Variants in NRXN1 observed in about 807,000 individuals in gnomAD.
The protein encoded by NRXN1 is neurexin-1.
Under a neutral mutation model 150.9 loss-of-function variants are expected in NRXN1, and 39 were observed. The ratio of observed to expected loss-of-function variants is 0.26; its 90% CI spans 0.20 to 0.34. The LOEUF is 0.34. Ranked by LOEUF, NRXN1 falls within the 10% of genes least tolerant of loss-of-function variation. NRXN1 has a pLI of 1.00. For synonymous variants in NRXN1, 924 were observed against 757.0 expected (o/e 1.22, Z -3.62); for missense variants, 1,815 against 1,949.9 (o/e 0.93, Z 1.30).
intron 12 of NRXN1, among the ~76,000 whole-genome samples, chr2:50,516,872 T>C (rs2092646841): frequency 6.6e-6 from 1 of 152,160 alleles, no homozygotes; most frequent in African/African-American, 2.4e-5. Flanking sequence ...TGATATAAAG[T>C]CAGACATTCA....
chr2:50,398,184 C>T (rs1274528162), intron 17 of NRXN1, among the ~76,000 whole-genome samples: 1 of 152,112 alleles, frequency 6.6e-6, no homozygotes, highest in Non-Finnish European at 1.5e-5. Context: ...ACTCCCAGCA[C>T]TTGTAGAACT....
rs1035046859 is a variant in NRXN1, at chr2:49,919,375, A to C, written c.*2569T>G. 1 of 152,148 alleles carries C rather than the reference A, an allele frequency of 6.6e-6. No homozygotes were observed. The highest frequency in any genetic ancestry group is 1.5e-5 in the Non-Finnish European group (1 of 67,970). The allele number at this position is 152,148 out of a possible 1,614,324, so 9.4% of individuals were successfully genotyped here. On this transcript the variant is annotated 3_prime_UTR_variant, in exon 23 of 23. Coordinates refer to ENST00000401669, the MANE Select transcript of NRXN1 (RefSeq NM_001330078.2). ...AATAATTTTGCTGATAATAAACTAT[A>C]TCAATCATTGCATGTAACTTTAAAA...
intron 17 of NRXN1, among the ~76,000 whole-genome samples, chr2:50,377,578 T>A (rs1231079512): frequency 1.3e-5 from 2 of 152,138 alleles, no homozygotes; most frequent in African/African-American, 4.8e-5. Context: ...GACTAGTTGA[T>A]CTCCAAAGTG....
intron 8 of NRXN1, among the ~76,000 whole-genome samples, chr2:50,561,518 G>C (rs188207555): frequency 6.6e-6 from 1 of 152,230 alleles, no homozygotes; most frequent in East Asian, 1.9e-4. Context: ...TCAAAATAAT[G>C]TATTGGGGAC....
chr2:50,160,498 G>A lies in NRXN1; in HGVS notation c.3547-69004C>T, dbSNP rs373387105. 4.6e-5 allele frequency among the ~76,000 whole-genome samples: 7 copies of A among 151,856 alleles called. No homozygotes were observed. The East Asian group carries it at 1.2e-3, about 25-fold the overall frequency. ...GGAAGTTGCAGTGAGCTGAGATTGC[G>A]CCATTGCACTCCAGTCTGGGCAACA... On this transcript the variant is annotated intron_variant, in intron 18 of 22. Transcript: ENST00000401669.
intron 17 of NRXN1, among the ~76,000 whole-genome samples, chr2:50,309,872 T>C (rs1291105884): frequency 6.6e-6 from 1 of 152,188 alleles, no homozygotes; most frequent in African/African-American, 2.4e-5. Context: ...TCACAATCTT[T>C]CTTCTTCCAA....
In NRXN1 at chr2:51,032,010, A is replaced by G. The variant is rs2287235; in HGVS notation, c.-951T>C. On this transcript the variant is annotated 5_prime_UTR_variant, in exon 1 of 23. Transcript: ENST00000401669. ...CCGGTTATTCCCCTCAGCTCGAGCC[A>G]GAGCCTGAAGCATGCATCGGTCAAA... 0.18 allele frequency: 27,234 copies of G among 152,042 alleles called. 2,671 individuals carry two copies. The highest frequency in any genetic ancestry group is 0.28 in the South Asian group (1,328 of 4,798). The allele number at this position is 152,042 out of a possible 1,614,324, so 9.4% of individuals were successfully genotyped here.
chr2:50,580,893 A>T (rs1203913306), intron 8 of NRXN1, among the ~76,000 whole-genome samples: 1 of 152,182 alleles, frequency 6.6e-6, no homozygotes, highest in East Asian at 1.9e-4. Context: ...AATTAAATAT[A>T]AGTTGCTATA....
chr2:50,914,041 G>C (rs1385715903), intron 5 of NRXN1, among the ~76,000 whole-genome samples: 1 of 151,624 alleles, frequency 6.6e-6, no homozygotes, highest in Non-Finnish European at 1.5e-5. Context: ...CAAGTAATAG[G>C]ACATACATTT....
At chr2:50,617,689 T>C (rs1679281259) in intron 8 of NRXN1, among the ~76,000 whole-genome samples, 1 of 152,162 alleles carries the variant, frequency 6.6e-6, no homozygotes, top group African/African-American at 2.4e-5. Context: ...CCTCCTTTTA[T>C]GAGTTTAGCC....
At chr2:50,488,986 C>T (rs116587707) in intron 15 of NRXN1, among the ~76,000 whole-genome samples, 1 of 152,150 alleles carries the variant, frequency 6.6e-6, no homozygotes, top group Non-Finnish European at 1.5e-5. Flanking sequence ...CTCTGAGCAC[C>T]TGCAGGTACT....
chr2:50,574,860 G>A (rs982908109), intron 8 of NRXN1, among the ~76,000 whole-genome samples: 2 of 152,130 alleles, frequency 1.3e-5, no homozygotes, highest in Admixed American at 6.6e-5. Context: ...TTGAATCAGG[G>A]GATTCTTGTG....
At chr2:50,906,478 C>T (rs930762440) in intron 5 of NRXN1, among the ~76,000 whole-genome samples, 10 of 152,130 alleles carry the variant, frequency 6.6e-5, no homozygotes, top group Non-Finnish European at 1.5e-4. Flanking sequence ...TTTTTCACCT[C>T]TGATGTTAGG....
chr2:50,996,736 T>C (rs189345517), intron 2 of NRXN1, among the ~76,000 whole-genome samples: 19 of 152,032 alleles, frequency 1.2e-4, no homozygotes, highest in Admixed American at 1.1e-3. Context: ...AACTAGAAAA[T>C]TGGCTGAGCT....
rs182786229 is a variant in NRXN1 at position 50,084,263 on chromosome 2, G to A, written c.3718+7060C>T. On this transcript the variant is annotated intron_variant, in intron 19 of 22. Coordinates refer to ENST00000401669, the MANE Select transcript of NRXN1 (RefSeq NM_001330078.2). Reference sequence around the variant, plus strand: ...CGCGGTGGATGAGACTGGGTGCCGCGGAGCAGGGGGCCGCACAGGAGCCCG... The same window carrying A: ...CGCGGTGGATGAGACTGGGTGCCGCAGAGCAGGGGGCCGCACAGGAGCCCG... Among the ~76,000 whole-genome samples the A allele has an allele frequency of 5.2e-3, 789 of 152,326 alleles. 8 individuals are homozygous for A. The highest frequency in any genetic ancestry group is 9.5e-3 in the Non-Finnish European group (648 of 68,040).
At chr2:50,291,135 G>GAAAA (rs5831107) in intron 17 of NRXN1, among the ~76,000 whole-genome samples, 8,301 of 143,760 alleles carry the variant, frequency 0.058, 856 homozygotes, top group African/African-American at 0.2. Context: ...CACAGAAGTT[G>GAAAA]AAAAAAAAAA....
At position 50,223,595 on chromosome 2, in the gene NRXN1, C is replaced by G. The variant is rs1457595292; in HGVS notation, c.3546+13194G>C. Among the ~76,000 whole-genome samples, 5 of 152,032 alleles carry G rather than the reference C, an allele frequency of 3.3e-5. No homozygotes were observed. The East Asian group carries it at 9.7e-4, about 30-fold the overall frequency. On this transcript the variant is annotated intron_variant, in intron 18 of 22. Coordinates refer to ENST00000401669, the MANE Select transcript of NRXN1 (RefSeq NM_001330078.2). ...TCAACTCTATTTCTCTGCTGATGCTCTATGGGATTTGGAGCCCCCAAAGCC... is the reference window on the plus strand; with the variant it reads ...TCAACTCTATTTCTCTGCTGATGCTGTATGGGATTTGGAGCCCCCAAAGCC...
At chr2:50,673,357 T>A (rs779253903) in intron 5 of NRXN1, among the ~76,000 whole-genome samples, 1 of 152,132 alleles carries the variant, frequency 6.6e-6, no homozygotes, top group Non-Finnish European at 1.5e-5. Context: ...TATATATGTA[T>A]TTGAATGAAA....
At chr2:50,078,820 T>G (rs2152680907) in intron 19 of NRXN1, among the ~76,000 whole-genome samples, 1 of 152,248 alleles carries the variant, frequency 6.6e-6, no homozygotes, top group East Asian at 1.9e-4. Context: ...GACATTTAAC[T>G]TGATCACTTA....
Sources: gnomAD v4.1 joint callset for allele counts (sites outside exome capture counted in the v4.1 genomes callset) on GRCh38, gnomAD v4.1.1 for gene constraint, MANE v1.5 for transcripts, NCBI Gene and HGNC (gene_info 2026-07-23, HGNC 2026-07-21) for gene names.